Variants in KLHL8 observed in about 807,000 individuals in gnomAD.
KLHL8 encodes the protein kelch like family member 8.
KLHL8 carries 38 observed loss-of-function variants against 63.5 expected under a neutral mutation model. That is an observed-to-expected ratio of 0.60 (90% CI 0.46 to 0.78). The LOEUF is 0.78. Ranked by LOEUF, KLHL8 falls within the 30% of genes least tolerant of loss-of-function variation. The pLI, the probability that KLHL8 is intolerant of heterozygous loss-of-function variation, is 0.00. For synonymous variants in KLHL8, 224 were observed against 254.3 expected (o/e 0.88, Z 1.13); for missense variants, 566 against 752.4 (o/e 0.75, Z 2.90).
chr4:87,170,382 C>T, intron 7 of KLHL8, 65 bp downstream of exon 7: 1 of 1,506,736 alleles, frequency 6.6e-7, no homozygotes, highest in African/African-American at 1.4e-5. Flanking sequence ...TATATTGGAC[C>T]TTTCCTTATT....
At chr4:87,221,710 T>G (rs1732859444), upstream of KLHL8, among the ~76,000 whole-genome samples, 1 of 151,980 alleles carries the variant, frequency 6.6e-6, no homozygotes, top group African/African-American at 2.4e-5. Context: ...ATATGCATCT[T>G]CTATAAAAAC....
chr4:87,236,417 C>T (rs1733230215), intron 1 of KLHL8, among the ~76,000 whole-genome samples: 1 of 151,818 alleles, frequency 6.6e-6, no homozygotes, highest in Admixed American at 6.6e-5. Flanking sequence ...CTATGTTGGC[C>T]ACACTGGTCT....
intron 1 of KLHL8, among the ~76,000 whole-genome samples, chr4:87,239,149 T>C (rs1326237165): frequency 2.0e-5 from 3 of 152,230 alleles, no homozygotes; most frequent in African/African-American, 7.2e-5. Context: ...TGTGATTAAA[T>C]ATGTGAAATT....
intron 5 of KLHL8, 50 bp downstream of exon 5, chr4:87,178,427 T>A (rs776114033): frequency 4.6e-6 from 7 of 1,514,176 alleles, no homozygotes; most frequent in Middle Eastern, 1.7e-4. Context: ...TTGAAATATT[T>A]TAAAAAGAGC....
At chr4:87,167,191 C>T in intron 8 of KLHL8, 1 of 534,994 alleles carries the variant, frequency 1.9e-6, no homozygotes. Flanking sequence ...GTTTATCCAC[C>T]CCCACACTAA....
At chr4:87,168,012 T>G (rs1388356885) in intron 8 of KLHL8, among the ~76,000 whole-genome samples, 1 of 152,176 alleles carries the variant, frequency 6.6e-6, no homozygotes, top group African/African-American at 2.4e-5. Flanking sequence ...TGAAGTCAAA[T>G]GCTCACTTGG....
At chr4:87,219,184 A>G (rs1356132662) in intron 1 of KLHL8, among the ~76,000 whole-genome samples, 2 of 152,244 alleles carry the variant, frequency 1.3e-5, no homozygotes, top group Non-Finnish European at 2.9e-5. Context: ...TGCCAGGAGG[A>G]AGTCTGAGGA....
intron 2 of KLHL8, among the ~76,000 whole-genome samples, chr4:87,192,095 A>G (rs1188857169): frequency 1.3e-5 from 2 of 152,072 alleles, no homozygotes; most frequent in Non-Finnish European, 2.9e-5. Flanking sequence ...TGTCTTTTTG[A>G]TAGAATGATT....
At chr4:87,214,275 A>G (rs111712576) in intron 1 of KLHL8, among the ~76,000 whole-genome samples, 36 of 151,340 alleles carry the variant, frequency 2.4e-4, no homozygotes, top group African/African-American at 8.2e-4. Context: ...TTAGTTGTAT[A>G]TTCATTGTAT....
intron 1 of KLHL8, among the ~76,000 whole-genome samples, chr4:87,201,206 T>C (rs952687804): frequency 1.3e-5 from 2 of 152,188 alleles, no homozygotes; most frequent in African/African-American, 4.8e-5. Context: ...ACAATGTACA[T>C]ATAGTTAACA....
intron 9 of KLHL8, 30 bp downstream of exon 9, chr4:87,163,848 T>C: frequency 6.2e-7 from 1 of 1,601,218 alleles, no homozygotes; most frequent in Non-Finnish European, 8.6e-7. Context: ...CAGAAGATAA[T>C]ATAAAGCACG....
intron 1 of KLHL8, among the ~76,000 whole-genome samples, chr4:87,216,524 AT>A (rs1732602791): frequency 6.6e-6 from 1 of 152,070 alleles, no homozygotes; most frequent in Admixed American, 6.5e-5. Flanking sequence ...TTTTCATTTA[AT>A]TTCTCCCCAG....
chr4:87,195,241 T>C, intron 2 of KLHL8, 83 bp downstream of exon 2: 1 of 1,045,178 alleles, frequency 9.6e-7, no homozygotes, highest in Non-Finnish European at 1.4e-6. Context: ...AGCAACAAAA[T>C]TTGCCTTGTA....
chr4:87,226,530 C>G (rs756936717), intron 1 of KLHL8, among the ~76,000 whole-genome samples: 14 of 140,480 alleles, frequency 1.0e-4, no homozygotes, highest in Non-Finnish European at 1.8e-4. Flanking sequence ...CCACTGCATT[C>G]CAGCCTGGGC....
chr4:87,226,049 A>G (rs1322466679), intron 1 of KLHL8, among the ~76,000 whole-genome samples: 1 of 152,158 alleles, frequency 6.6e-6, no homozygotes, highest in Admixed American at 6.5e-5. Flanking sequence ...TCCCTACCAC[A>G]TTCAAGAACT....
At chr4:87,182,168 G>A (rs547017560) in intron 4 of KLHL8, among the ~76,000 whole-genome samples, 25 of 145,568 alleles carry the variant, frequency 1.7e-4, no homozygotes, top group Non-Finnish European at 3.4e-4. Flanking sequence ...GGTGGAGCTT[G>A]CAGTGAGCCA....
intron 4 of KLHL8, among the ~76,000 whole-genome samples, chr4:87,182,867 T>C (rs972013780): frequency 3.3e-5 from 5 of 152,164 alleles, no homozygotes; most frequent in Non-Finnish European, 7.3e-5. Flanking sequence ...AATAAGATAC[T>C]CAGCTGTCTT....
At chr4:87,230,505 T>C (rs901114998) in intron 1 of KLHL8, among the ~76,000 whole-genome samples, 1 of 152,240 alleles carries the variant, frequency 6.6e-6, no homozygotes, top group Non-Finnish European at 1.5e-5. Context: ...CCAACTGTCA[T>C]GTAATCCTCT....
chr4:87,192,713 A>T (rs1731541539), intron 2 of KLHL8, among the ~76,000 whole-genome samples: 1 of 151,288 alleles, frequency 6.6e-6, no homozygotes, highest in African/African-American at 2.5e-5. Context: ...CACAGAATGT[A>T]CTTACACAAA....
Sources: gnomAD v4.1 joint callset for allele counts (sites outside exome capture counted in the v4.1 genomes callset) on GRCh38, gnomAD v4.1.1 for gene constraint, MANE v1.5 for transcripts, NCBI Gene and HGNC (gene_info 2026-07-23, HGNC 2026-07-21) for gene names.